ABCC1: variants seen among roughly 807,000 people sequenced by gnomAD.
ABCC1 encodes ATP binding cassette subfamily C member 1 (ABCC1 blood group).
Under a neutral mutation model 172.9 loss-of-function variants are expected in ABCC1, and 83 were observed. That is an observed-to-expected ratio of 0.48 (90% CI 0.40 to 0.58). The LOEUF is 0.58. ABCC1 is among the 20% of genes least tolerant of loss of function. The pLI, the probability that ABCC1 is intolerant of heterozygous loss-of-function variation, is 0.00. For synonymous variants in ABCC1, 937 were observed against 825.2 expected, an observed-to-expected ratio of 1.14 and a Z score of -2.32; for missense variants, 1,817 against 2,002.7, an observed-to-expected ratio of 0.91 and a Z score of 1.77.
At chr16:15,951,784 G>A (rs1416650181) in intron 1 of ABCC1, among the ~76,000 whole-genome samples, 2 of 151,702 alleles carry the variant, frequency 1.3e-5, no homozygotes, top group Non-Finnish European at 2.9e-5. Flanking sequence ...CTGCCTCCCC[G>A]GCTCAAGTGG....
intron 1 of ABCC1, among the ~76,000 whole-genome samples, chr16:15,986,981 G>T (rs531211250): frequency 1.1e-3 from 162 of 152,218 alleles, no homozygotes; most frequent in Non-Finnish European, 2.0e-3. Context: ...CCTGGACAAT[G>T]TGGCGAAACC....
At chr16:15,976,183 C>A (rs1203819939) in intron 1 of ABCC1, among the ~76,000 whole-genome samples, 3 of 152,130 alleles carry the variant, frequency 2.0e-5, no homozygotes, top group African/African-American at 7.2e-5. Flanking sequence ...AGGAGAATTG[C>A]TTGAACCTGG....
At chr16:16,045,770 T>G in intron 8 of ABCC1, 66 bp from the exon 9 acceptor site, 2 of 1,518,754 alleles carry the variant, frequency 1.3e-6, no homozygotes, top group Non-Finnish European at 1.8e-6. Flanking sequence ...GTGCCAACAC[T>G]GAAGCTCTCT....
rs8187861 is a variant in ABCC1, at chr16:16,071,767, G to A, written c.1912+38G>A. On this transcript the variant is annotated intron_variant, in intron 14 of 30. Transcript: ENST00000399410. Reference sequence around the variant, plus strand: ...TCAGTCCTGGCTTCTGGAAGTGGCCGCCTTCCCATCTCCCACTGGGTCCTC... The same window carrying A: ...TCAGTCCTGGCTTCTGGAAGTGGCCACCTTCCCATCTCCCACTGGGTCCTC... The A allele has an allele frequency of 6.0e-3, 9,402 of 1,561,440 alleles. 482 individuals are homozygous for A. The African/African-American group carries it at 0.11, about 19-fold the overall frequency.
intron 24 of ABCC1, among the ~76,000 whole-genome samples, chr16:16,122,385 G>T (rs188703821): frequency 2.0e-5 from 3 of 152,152 alleles, no homozygotes; most frequent in Non-Finnish European, 4.4e-5. Context: ...CGGCATTTAA[G>T]TGCAGGGACA....
chr16:15,965,943 G>T (rs548239713), intron 1 of ABCC1, among the ~76,000 whole-genome samples: 2 of 152,094 alleles, frequency 1.3e-5, no homozygotes, highest in African/African-American at 4.8e-5. Flanking sequence ...GGTAGAGTGC[G>T]TATTGGCTTA....
At chr16:16,016,149 G>GTTTTTTTTT (rs71137903) in intron 4 of ABCC1, among the ~76,000 whole-genome samples, 1 of 84,290 alleles carries the variant, frequency 1.2e-5, no homozygotes, top group East Asian at 3.9e-4. Context: ...TGTGATCTTG[G>GTTTTTTTTT]TTTTTTTTTT....
chr16:16,134,493 C>G lies in ABCC1; in HGVS notation c.4110C>G (p.Ile1370Met). ...KIGLHDLRFK[I>M]TIIPQDPVLF... ...GCCTGCACGACCTCCGCTTCAAGAT[C>G]ACCATCATCCCCCAGGTGGGGTCTG... Residue 1370 changes from isoleucine to methionine, a missense_variant, in exon 28 of 31, where the codon ATC becomes ATG. Coordinates refer to ENST00000399410, the MANE Select transcript of ABCC1 (RefSeq NM_004996.4). 1.9e-6 allele frequency: 3 copies of G among 1,614,190 alleles called. No individual in the cohort carries two copies. The highest frequency in any genetic ancestry group is 2.5e-6 in the Non-Finnish European group (3 of 1,180,042).
intron 21 of ABCC1, among the ~76,000 whole-genome samples, chr16:16,109,535 G>A (rs1169637859): frequency 6.6e-6 from 1 of 152,164 alleles, no homozygotes; most frequent in Non-Finnish European, 1.5e-5. Context: ...AATGAGCACA[G>A]ACACGGGTAA....
chr16:15,980,767 C>T (rs537264612), intron 1 of ABCC1, among the ~76,000 whole-genome samples: 1 of 152,250 alleles, frequency 6.6e-6, no homozygotes, highest in South Asian at 2.1e-4. Flanking sequence ...CATTTCAAAA[C>T]ACAATCATGC....
At chr16:16,080,797 T>G (rs1001053413) in intron 16 of ABCC1, among the ~76,000 whole-genome samples, 1 of 152,192 alleles carries the variant, frequency 6.6e-6, no homozygotes, top group African/African-American at 2.4e-5. Flanking sequence ...CCGCACCTCT[T>G]TAGTGTCTGT....
At chr16:15,954,996 T>C (rs2045957785) in intron 1 of ABCC1, among the ~76,000 whole-genome samples, 1 of 152,166 alleles carries the variant, frequency 6.6e-6, no homozygotes, top group Non-Finnish European at 1.5e-5. Context: ...TCAAACGGGC[T>C]GCTTTTCATG....
chr16:16,025,198 C>G (rs2048330616), intron 5 of ABCC1, among the ~76,000 whole-genome samples: 1 of 152,128 alleles, frequency 6.6e-6, no homozygotes, highest in South Asian at 2.1e-4. Context: ...TAGGCTCCGT[C>G]TAATAATAAG....
Position 16,079,418 on chromosome 16 carries a change from G to C in ABCC1, c.2055G>C (p.Ser685=), listed in dbSNP as rs774281330. Residue 685 remains serine, a synonymous_variant, in exon 16 of 31, where the codon TCG becomes TCC. Transcript: ENST00000399410. ...AVVGQVGCGK[S]SLLSALLAEM... ...TGGGCCAGGTGGGCTGCGGAAAGTCGTCCCTGCTCTCAGCCCTCTTGGCTG... is the reference window on the plus strand; with the variant it reads ...TGGGCCAGGTGGGCTGCGGAAAGTCCTCCCTGCTCTCAGCCCTCTTGGCTG... The C allele has an allele frequency of 1.2e-6, 2 of 1,613,908 alleles. No individual in the cohort carries two copies. The highest frequency in any genetic ancestry group is 2.2e-5 in the East Asian group (1 of 44,890).
At chr16:16,124,706 C>T (rs1159663692) in intron 24 of ABCC1, 83 bp from the exon 25 acceptor site, 2 of 1,585,288 alleles carry the variant, frequency 1.3e-6, no homozygotes, top group South Asian at 1.1e-5. Flanking sequence ...GCAAAGAATC[C>T]CCTTCCTCCC....
chr16:16,141,085 A>C, intron 30 of ABCC1, 88 bp from the exon 31 acceptor site: 5 of 1,142,858 alleles, frequency 4.4e-6, no homozygotes, highest in Non-Finnish European at 6.5e-6. Context: ...CCTGACCCGA[A>C]GCAGTGACTT....
At position 16,113,509 on chromosome 16, in the gene ABCC1, G is replaced by A. The variant is rs968368868; in HGVS notation, c.3080-1257G>A. Among the ~76,000 whole-genome samples the A allele has an allele frequency of 5.9e-4, 89 of 152,052 alleles. 1 individual carries two copies. Among genetic ancestry groups the A allele is most frequent in the African/African-American group, 2.1e-3 (85 of 41,388 alleles). On this transcript the variant is annotated intron_variant, in intron 22 of 30. Transcript: ENST00000399410. Reference sequence around the variant, plus strand: ...GTTTCTACAAAAAATACAAAAATTCGCTGGGCGTGGTGGCGCATGTCTGTA... The same window carrying A: ...GTTTCTACAAAAAATACAAAAATTCACTGGGCGTGGTGGCGCATGTCTGTA...
chr16:16,134,077 G>C (rs1213713328), intron 27 of ABCC1, among the ~76,000 whole-genome samples: 1 of 152,142 alleles, frequency 6.6e-6, no homozygotes, highest in African/African-American at 2.4e-5. Context: ...AATTCCTTCT[G>C]CCTCTTCTGT....
At chr16:15,986,788 GT>G (rs571301184) in intron 1 of ABCC1, among the ~76,000 whole-genome samples, 38 of 152,300 alleles carry the variant, frequency 2.5e-4, no homozygotes, top group Admixed American at 5.9e-4. Context: ...GCTATTCTGT[GT>G]ACTGCACCTG....
Sources: allele counts gnomAD v4.1 joint callset (sites outside exome capture counted in the v4.1 genomes callset), GRCh38; gene constraint gnomAD v4.1.1; transcripts MANE v1.5; gene names NCBI Gene and HGNC (gene_info 2026-07-23, HGNC 2026-07-21).